The following ASIC1 variants were observed in gnomAD, a reference collection of about 807,000 sequenced individuals.
The protein encoded by ASIC1 is acid sensing ion channel subunit 1.
A neutral mutation model predicts 63.4 loss-of-function variants in ASIC1; 21 were observed. The ratio of observed to expected loss-of-function variants is 0.33; its 90% confidence interval spans 0.23 to 0.48. ASIC1 has a LOEUF of 0.48. Among genes scored for constraint, ASIC1 ranks in the 20% least tolerant of loss-of-function variants. The pLI is 0.99. For synonymous variants in ASIC1, 258 were observed against 278.2 expected (o/e 0.93, Z 0.72); for missense variants, 478 against 695.5 (o/e 0.69, Z 3.52).
intron 3 of ASIC1, among the ~76,000 whole-genome samples, chr12:50,064,175 G>A (rs1347209879): frequency 2.6e-5 from 4 of 152,056 alleles, no homozygotes; most frequent in Non-Finnish European, 4.4e-5. Flanking sequence ...TGAACTTTGG[G>A]GGAAGGGTTC....
chr12:50,070,436 C>T (rs1486761639), intron 3 of ASIC1, among the ~76,000 whole-genome samples: 1 of 151,088 alleles, frequency 6.6e-6, no homozygotes, highest in Non-Finnish European at 1.5e-5. Context: ...GTGTGTGTGT[C>T]GCCCCACACC....
chr12:50,066,904 T>A (rs1950550283), intron 3 of ASIC1, among the ~76,000 whole-genome samples: 1 of 152,150 alleles, frequency 6.6e-6, no homozygotes, highest in Non-Finnish European at 1.5e-5. Context: ...AACCTAGAAT[T>A]TTCATCTTAT....
rs558261389 is a variant in ASIC1, at chr12:50,073,460, G to C, written c.559-3753G>C. 5.2e-5 allele frequency: 74 copies of C among 1,425,418 alleles called. No homozygotes were observed. The South Asian group carries it at 1.1e-3, about 21-fold the overall frequency. 88.3% of individuals were successfully genotyped at this position (1,425,418 alleles called of 1,614,324 possible). On this transcript the variant is annotated intron_variant, in intron 3 of 11. Coordinates refer to ENST00000447966, the MANE Select transcript of ASIC1 (RefSeq NM_001095.4). ...GAGGAAGGACGGCCAGCTGGGCTGA[G>C]ATACCTGGCTGACGGGCTGGGTGGC... is the stretch of plus-strand genomic sequence containing the variant.
intron 3 of ASIC1, among the ~76,000 whole-genome samples, chr12:50,066,872 A>G (rs1218341377): frequency 6.6e-6 from 1 of 152,072 alleles, no homozygotes; most frequent in East Asian, 1.9e-4. Context: ...GGGAACATTC[A>G]TCTTATCTAG....
chr12:50,080,079 C>A, intron 8 of ASIC1, 24 bp downstream of exon 8: 1 of 1,592,438 alleles, frequency 6.3e-7, no homozygotes, highest in Non-Finnish European at 8.6e-7. Flanking sequence ...CTGGGTAGAG[C>A]AAGGCCCTTG....
At chr12:50,077,132 C>G in intron 3 of ASIC1, 81 bp from the exon 4 acceptor site, 3 of 1,605,638 alleles carry the variant, frequency 1.9e-6, no homozygotes, top group Non-Finnish European at 1.7e-6. Flanking sequence ...GAGATTCCAA[C>G]AGCTGGGGTG....
chr12:50,079,542 G>T (rs969360318), intron 7 of ASIC1, among the ~76,000 whole-genome samples: 1 of 152,224 alleles, frequency 6.6e-6, no homozygotes, highest in African/African-American at 2.4e-5. Context: ...ACCCTGGAGG[G>T]TCCTGAGGAA....
At position 50,078,290 on chromosome 12, in the gene ASIC1, CTG is replaced by C. The variant is rs2137845158; in HGVS notation, c.838-130_838-129del. ...AATGAACAAGAATGCTCTGTAAACT[CTG>C]AGACCTTTGGAGGCTGCAGAGGGAG... On this transcript the variant is annotated intron_variant, in intron 5 of 11. Transcript: ENST00000447966. This position sits in a 1 kb window ranked among gnomAD's most constrained non-coding sequence, Gnocchi z 6.0. 1.3e-6 allele frequency: 2 copies of C among 1,513,108 alleles called. No individual in the cohort carries two copies. The highest frequency in any genetic ancestry group is 1.8e-6 in the Non-Finnish European group (2 of 1,119,486). 93.7% of individuals were successfully genotyped at this position (1,513,108 alleles called of 1,614,324 possible).
In ASIC1 at chr12:50,059,752, A is replaced by AC; in HGVS notation, c.363-3dup. Reference sequence around the variant, plus strand: ...TGACCCGTGTGTCACTCACCCCCGGACCCCAGGTATGAGATACCAGACACA... The same window carrying AC: ...TGACCCGTGTGTCACTCACCCCCGGACCCCCAGGTATGAGATACCAGACACA... On this transcript the variant is annotated splice_region_variant and splice_polypyrimidine_tract_variant and intron_variant, in intron 2 of 11. Coordinates refer to ENST00000447966, the MANE Select transcript of ASIC1 (RefSeq NM_001095.4). The surrounding 1 kb of genome is among the most constrained non-coding windows in gnomAD (Gnocchi z 4.6). The AC allele has an allele frequency of 6.2e-7, 1 of 1,611,842 alleles. No homozygotes were observed. The highest frequency in any genetic ancestry group is 8.5e-7 in the Non-Finnish European group (1 of 1,178,884).
At chr12:50,077,496 T>G in intron 4 of ASIC1, 133 bp downstream of exon 4, 45 of 1,271,352 alleles carry the variant, frequency 3.5e-5, no homozygotes, top group Middle Eastern at 2.5e-4. Context: ...TCACCATCTC[T>G]ATCACTGACT....
chr12:50,068,071 C>T (rs1438124191), intron 3 of ASIC1, among the ~76,000 whole-genome samples: 1 of 152,148 alleles, frequency 6.6e-6, no homozygotes, highest in East Asian at 1.9e-4. Flanking sequence ...ATCAATTTCC[C>T]TCATTCTTGA....
In ASIC1 at chr12:50,074,926, T is replaced by A. The variant is rs1427940522; in HGVS notation, c.559-2287T>A. Among the ~76,000 whole-genome samples the A allele has an allele frequency of 2.0e-5, 3 of 149,770 alleles. No individual in the cohort carries two copies. Among genetic ancestry groups the A allele is most frequent in the South Asian group, 4.2e-4 (2 of 4,758 alleles). ...TGTGTGTCTGAGGGTAAATAACAGG[T>A]CTCTAAATCATATCCCTCTCCCCAG... On this transcript the variant is annotated intron_variant, in intron 3 of 11. Transcript: ENST00000447966. This position sits in a 1 kb window ranked among gnomAD's most constrained non-coding sequence, Gnocchi z 4.2.
chr12:50,073,714 G>A (rs1345671021), intron 3 of ASIC1: 15 of 1,536,454 alleles, frequency 9.8e-6, no homozygotes, highest in Non-Finnish European at 1.2e-5. Context: ...AGAGGAGGAA[G>A]AAGAGAAGGA....
chr12:50,062,972 G>T (rs1950514073), intron 3 of ASIC1, among the ~76,000 whole-genome samples: 1 of 152,224 alleles, frequency 6.6e-6, no homozygotes, highest in Non-Finnish European at 1.5e-5. Flanking sequence ...CGGGACTGAA[G>T]AGGGAGAAGG....
intron 3 of ASIC1, among the ~76,000 whole-genome samples, chr12:50,064,989 G>A (rs1292783446): frequency 6.6e-6 from 1 of 152,054 alleles, no homozygotes; most frequent in East Asian, 1.9e-4. Flanking sequence ...GTGGGCTTCA[G>A]AACAAGGGGG....
rs758885951 is a variant in ASIC1, at chr12:50,074,224, G to A, written c.559-2989G>A. 2.5e-5 allele frequency: 37 copies of A among 1,495,814 alleles called. No individual in the cohort carries two copies. The highest frequency in any genetic ancestry group is 2.2e-4 in the East Asian group (9 of 40,506). 92.7% of individuals were successfully genotyped at this position (1,495,814 alleles called of 1,614,324 possible). On this transcript the variant is annotated intron_variant, in intron 3 of 11. Transcript: ENST00000447966. The surrounding 1 kb of genome is among the most constrained non-coding windows in gnomAD (Gnocchi z 4.2). ...TTGCTCCTACCAAGGGGGACCCTGC[G>A]GCCCTCACAACTTCTCAGTGGTGAG...
At chr12:50,073,183 C>T (rs1324718156) in intron 3 of ASIC1, among the ~76,000 whole-genome samples, 2 of 152,068 alleles carry the variant, frequency 1.3e-5, no homozygotes, top group Non-Finnish European at 2.9e-5. Context: ...TGCTAGGTCC[C>T]GTCTCACCTG....
Position 50,074,297 on chromosome 12 carries a change from G to A in ASIC1, c.559-2916G>A. ...TACCCCAAGAGTGTCTGCCATGGCT[G>A]TCCCTGACTGTCACCTCCTGGGGTT... On this transcript the variant is annotated intron_variant, in intron 3 of 11. Coordinates refer to ENST00000447966, the MANE Select transcript of ASIC1 (RefSeq NM_001095.4). The surrounding 1 kb of genome is among the most constrained non-coding windows in gnomAD (Gnocchi z 4.2). 7.0e-7 allele frequency: 1 copy of A among 1,435,000 alleles called. No individual in the cohort carries two copies. 88.9% of individuals were successfully genotyped at this position (1,435,000 alleles called of 1,614,324 possible).
In ASIC1 at chr12:50,074,436, G is replaced by T. The variant is rs1950633050; in HGVS notation, c.559-2777G>T. On this transcript the variant is annotated intron_variant, in intron 3 of 11. Coordinates refer to ENST00000447966, the MANE Select transcript of ASIC1 (RefSeq NM_001095.4). The surrounding 1 kb of genome is among the most constrained non-coding windows in gnomAD (Gnocchi z 4.2). Reference sequence around the variant, plus strand: ...GCCTGGAGCTGGGCTGGTATTCCCAGGTCCACACCAGTGCTGCTTTTCCTG... The same window carrying T: ...GCCTGGAGCTGGGCTGGTATTCCCATGTCCACACCAGTGCTGCTTTTCCTG... Among the ~76,000 whole-genome samples, 1 of 152,160 alleles carries T rather than the reference G, an allele frequency of 6.6e-6. No individual in the cohort carries two copies.
Sources: gnomAD v4.1 joint callset for allele counts (sites outside exome capture counted in the v4.1 genomes callset) on GRCh38, gnomAD v4.1.1 for gene constraint, Gnocchi (gnomAD v3.1) non-coding constraint, MANE v1.5 for transcripts, NCBI Gene and HGNC (gene_info 2026-07-23, HGNC 2026-07-21) for gene names.